SETD3: variants seen among roughly 807,000 people sequenced by gnomAD.
SETD3 encodes the protein actin-histidine N-methyltransferase.
Under a neutral mutation model 63.0 loss-of-function variants are expected in SETD3, and 19 were observed. That is an observed-to-expected ratio of 0.30 (90% CI 0.21 to 0.44). The LOEUF is 0.44. SETD3 is among the 20% of genes least tolerant of loss of function. The pLI is 1.00. For missense variants in SETD3, 587 were observed against 728.5 expected (o/e 0.81, Z 2.24); for synonymous variants, 286 against 264.1 (o/e 1.08, Z -0.80).
At chr14:99,454,754 T>C (rs534810494) in intron 6 of SETD3, among the ~76,000 whole-genome samples, 17 of 35,850 alleles carry the variant, frequency 4.7e-4, no homozygotes, top group South Asian at 3.2e-3. Flanking sequence ...CGGCCCAAAA[T>C]GGCACAGTTC....
Position 99,398,915 on chromosome 14 carries a change from A to T in SETD3, c.1549T>A (p.Ser517Thr), listed in dbSNP as rs369683209. 120 of 1,613,930 alleles carry T rather than the reference A, an allele frequency of 7.4e-5. No individual in the cohort carries two copies. The highest frequency in any genetic ancestry group is 6.6e-4 in the Middle Eastern group (4 of 6,084). ...TTTCTCAAGACCAGGGGGAGCCTCG[A>T]GTCCCCCACGCTGCTCTCCAACAGC... ...LGLLESSVGD[S>T]RLPLVLRNLE... The change falls in exon 13 of 13, where the codon TCG becomes ACG. Residue 517 changes from serine to threonine, a missense_variant. Physicochemically the swap from Ser to Thr is moderately conservative, Grantham distance 58. Coordinates refer to ENST00000331768, the MANE Select transcript of SETD3 (RefSeq NM_032233.3).
At chr14:99,426,675 A>T (rs992385427) in intron 6 of SETD3, among the ~76,000 whole-genome samples, 3 of 152,210 alleles carry the variant, frequency 2.0e-5, no homozygotes, top group African/African-American at 7.2e-5. Context: ...GAAAAGTAAG[A>T]GACTGCCCAT....
At chr14:99,464,517 C>A (rs1364902284) in intron 2 of SETD3, among the ~76,000 whole-genome samples, 1 of 152,146 alleles carries the variant, frequency 6.6e-6, no homozygotes, top group Non-Finnish European at 1.5e-5. Flanking sequence ...GGCAGGGGAG[C>A]TCAGCGAGGA....
intron 6 of SETD3, among the ~76,000 whole-genome samples, chr14:99,454,256 C>T (rs1323361109): frequency 6.6e-6 from 1 of 151,912 alleles, no homozygotes; most frequent in East Asian, 1.9e-4. Flanking sequence ...GTGGTGTGAC[C>T]ATAGATCACT....
chr14:99,479,372 A>G (rs1046216275), intron 1 of SETD3, among the ~76,000 whole-genome samples: 1 of 152,244 alleles, frequency 6.6e-6, no homozygotes, highest in African/African-American at 2.4e-5. Flanking sequence ...CTTGGGACTA[A>G]TCCAGTACTG....
intron 8 of SETD3, chr14:99,409,726 G>A (rs1391330614): frequency 6.6e-6 from 1 of 151,546 alleles, no homozygotes; most frequent in African/African-American, 2.4e-5. Flanking sequence ...TCATGGGGGG[G>A]GGGAGGATAA....
intron 6 of SETD3, among the ~76,000 whole-genome samples, chr14:99,440,460 A>G (rs1893736248): frequency 6.6e-6 from 1 of 152,194 alleles, no homozygotes; most frequent in Admixed American, 6.5e-5. Context: ...CAGTAGAGCC[A>G]GTAGGGGACA....
chr14:99,478,135 A>C (rs1163801662), intron 1 of SETD3, among the ~76,000 whole-genome samples: 2 of 152,232 alleles, frequency 1.3e-5, no homozygotes, highest in African/African-American at 4.8e-5. Flanking sequence ...AAAAGGGCCC[A>C]AAAATAAGGG....
chr14:99,400,177 C>T lies in SETD3; in HGVS notation c.1260G>A (p.Trp420Ter), dbSNP rs201457314. The T allele has an allele frequency of 6.2e-7, 1 of 1,614,088 alleles. No individual in the cohort carries two copies. Among genetic ancestry groups the T allele is most frequent in the African/African-American group, 1.3e-5 (1 of 75,012 alleles). The change falls in exon 12 of 13, where the codon TGG (tryptophan) becomes TGA (stop). Residue 420 changes from tryptophan (W) to a stop codon, truncating the protein, a stop_gained. Transcript: ENST00000331768. LOFTEE classifies it high-confidence loss of function. ...ATGTCCAAAGTTTGACCTCGTTGTCCCAGCTAACAGGAAATTCCGAGTTCC... is the reference window on the plus strand; with the variant it reads ...ATGTCCAAAGTTTGACCTCGTTGTCTCAGCTAACAGGAAATTCCGAGTTCC... ...TLGNSEFPVS[W>*]DNEVKLWTFL...
intron 8 of SETD3, among the ~76,000 whole-genome samples, chr14:99,409,174 G>T (rs2139631065): frequency 6.6e-6 from 1 of 152,250 alleles, no homozygotes; most frequent in East Asian, 1.9e-4. Context: ...CACACTGCCA[G>T]CTAACTTCCC....
intron 6 of SETD3, among the ~76,000 whole-genome samples, chr14:99,435,743 CCT>C (rs1566707109): frequency 7.3e-5 from 8 of 109,926 alleles, no homozygotes; most frequent in Non-Finnish European, 1.2e-4. Flanking sequence ...CACCCCCCCA[CCT>C]TTTTTTTTTT....
intron 1 of SETD3, among the ~76,000 whole-genome samples, chr14:99,469,002 G>C (rs1268678696): frequency 6.6e-6 from 1 of 152,114 alleles, no homozygotes; most frequent in Non-Finnish European, 1.5e-5. Context: ...TTCTACCCAG[G>C]TTTCCATCCC....
At chr14:99,476,949 T>C (rs1397113480) in intron 1 of SETD3, among the ~76,000 whole-genome samples, 2 of 152,224 alleles carry the variant, frequency 1.3e-5, no homozygotes, top group Non-Finnish European at 2.9e-5. Context: ...CTAGACAATT[T>C]TTTTTGTCCT....
chr14:99,477,407 T>C (rs981722206), intron 1 of SETD3, among the ~76,000 whole-genome samples: 11 of 152,202 alleles, frequency 7.2e-5, no homozygotes, highest in African/African-American at 2.7e-4. Context: ...CAAGACTTCT[T>C]AATCTTGCAG....
chr14:99,430,772 C>T (rs1161282772), intron 6 of SETD3, among the ~76,000 whole-genome samples: 2 of 152,294 alleles, frequency 1.3e-5, no homozygotes, highest in South Asian at 4.1e-4. Flanking sequence ...CACAGCAGAT[C>T]CTCCACGAGC....
At chr14:99,470,149 T>C (rs1895619252) in intron 1 of SETD3, among the ~76,000 whole-genome samples, 1 of 152,212 alleles carries the variant, frequency 6.6e-6, no homozygotes, top group African/African-American at 2.4e-5. Context: ...GGAATGCAGC[T>C]ATCCCACTGC....
chr14:99,427,198 T>A (rs1354156786), intron 6 of SETD3, among the ~76,000 whole-genome samples: 1 of 152,200 alleles, frequency 6.6e-6, no homozygotes, highest in Non-Finnish European at 1.5e-5. Context: ...ATGGTGCACA[T>A]GATGCTGACA....
At chr14:99,428,297 C>T (rs112452544) in intron 6 of SETD3, among the ~76,000 whole-genome samples, 7,376 of 152,188 alleles carry the variant, frequency 0.048, 594 homozygotes, top group African/African-American at 0.17. Context: ...ACACTGAGCA[C>T]CCCCTGGTCT....
chr14:99,470,126 C>T (rs575269763), intron 1 of SETD3, among the ~76,000 whole-genome samples: 12 of 152,294 alleles, frequency 7.9e-5, no homozygotes, highest in Non-Finnish European at 1.6e-4. Context: ...TGCTCATGTT[C>T]CTCCCTTTTT....
Sources: allele counts gnomAD v4.1 joint callset (sites outside exome capture counted in the v4.1 genomes callset), GRCh38; gene constraint gnomAD v4.1.1; transcripts MANE v1.5; gene names NCBI Gene and HGNC (gene_info 2026-07-23, HGNC 2026-07-21).